KPNA4: variants seen among roughly 807,000 people sequenced by gnomAD.
The protein encoded by KPNA4 is karyopherin subunit alpha 4, also known as importin subunit alpha-3.
In KPNA4, 13 loss-of-function variants were observed where a neutral mutation model predicts 71.3. The observed-to-expected ratio is 0.18, with a 90% CI of 0.12 to 0.29. The LOEUF is 0.29. Ranked by LOEUF, KPNA4 falls within the 10% of genes least tolerant of loss-of-function variation. The pLI, the probability that KPNA4 is intolerant of heterozygous loss-of-function variation, is 1.00. For missense variants in KPNA4, 334 were observed against 603.2 expected, an observed-to-expected ratio of 0.55 and a Z score of 4.67; for synonymous variants, 189 against 195.2, an observed-to-expected ratio of 0.97 and a Z score of 0.26.
In KPNA4 at chr3:160,501,544, A is replaced by T. The variant is rs1439935206; in HGVS notation, c.*560T>A. 6.6e-6 allele frequency: 1 copy of T among 152,654 alleles called. No homozygotes were observed. The highest frequency in any genetic ancestry group is 1.5e-5 in the Non-Finnish European group (1 of 68,044). 9.5% of individuals were successfully genotyped at this position (152,654 alleles called of 1,614,324 possible). A position where few individuals can be genotyped will look rare whatever the true frequency, so the allele number is the denominator to read the frequency against. On this transcript the variant is annotated 3_prime_UTR_variant, in exon 17 of 17. Coordinates refer to ENST00000334256, the MANE Select transcript of KPNA4 (RefSeq NM_002268.5). ...CCACGCTCTCGTACACAGTCACTCC[A>T]GGACTAGGAGTCTGCTTCATGAGTG...
chr3:160,512,474 T>C (rs1721115471), intron 13 of KPNA4, among the ~76,000 whole-genome samples: 1 of 152,196 alleles, frequency 6.6e-6, no homozygotes, highest in Non-Finnish European at 1.5e-5. Flanking sequence ...GAACGAGTCA[T>C]TCTAAAAAAT....
chr3:160,496,835 TACACCCAGAGC>T lies in KPNA4; in HGVS notation c.*5258_*5268del, dbSNP rs946240541. On this transcript the variant is annotated 3_prime_UTR_variant, in exon 17 of 17. Coordinates refer to ENST00000334256, the MANE Select transcript of KPNA4 (RefSeq NM_002268.5). The stretch of plus-strand genomic sequence containing the variant: ...ACTTTTCCTCACAGTCAACTGCTCT[TACACCCAGAGC>T]AGTAGCTGTCAAGTCAATTTTATTG... 11 of 152,192 alleles carry T rather than the reference TACACCCAGAGC, an allele frequency of 7.2e-5. No homozygotes were observed. Among genetic ancestry groups the T allele is most frequent in the Admixed American group, 2.0e-4 (3 of 15,272 alleles). 9.4% of individuals were successfully genotyped at this position (152,192 alleles called of 1,614,324 possible). A position where few individuals can be genotyped will look rare whatever the true frequency, so the allele number is the denominator to read the frequency against.
rs1721352025 is a variant in KPNA4, at chr3:160,521,684, ATACTT to A, written c.903+90_903+94del. 22 of 1,094,258 alleles carry A rather than the reference ATACTT, an allele frequency of 2.0e-5. 1 individual carries two copies. The Middle Eastern group carries it at 3.4e-3, about 170-fold the overall frequency. The allele number at this position is 1,094,258 out of a possible 1,614,324, so 67.8% of individuals were successfully genotyped here. A position where few individuals can be genotyped will look rare whatever the true frequency, so the allele number is the denominator to read the frequency against. ...ACAGATTTGTTGTTATGCTAAGAAT[ATACTT>A]TAAACTACTGAAATTGTCCATCTTT... On this transcript the variant is annotated intron_variant, in intron 11 of 16. Transcript: ENST00000334256.
At chr3:160,515,620 T>A in intron 11 of KPNA4, 40 bp from the exon 12 acceptor site, 1 of 831,076 alleles carries the variant, frequency 1.2e-6, no homozygotes, top group Non-Finnish European at 1.6e-6. Context: ...GTGAAATCCT[T>A]TTTTTTTTTT....
In KPNA4 at chr3:160,514,063, C is replaced by A; in HGVS notation, c.1137+14G>T. On this transcript the variant is annotated intron_variant, in intron 13 of 16. Transcript: ENST00000334256. ...TACATCAGATAAATGATACATATAA[C>A]ATGATTTTCTTACCTTATCCAAAAG... 1 of 1,445,048 alleles carries A rather than the reference C, an allele frequency of 6.9e-7. No homozygotes were observed. Among genetic ancestry groups the A allele is most frequent in the East Asian group, 2.4e-5 (1 of 41,504 alleles). The allele number at this position is 1,445,048 out of a possible 1,614,324, so 89.5% of individuals were successfully genotyped here. A position where few individuals can be genotyped will look rare whatever the true frequency, so the allele number is the denominator to read the frequency against.
intron 14 of KPNA4, 88 bp downstream of exon 14, chr3:160,509,712 A>G: frequency 1.0e-6 from 1 of 996,222 alleles, no homozygotes; most frequent in South Asian, 1.3e-5. Context: ...TATTATTTTA[A>G]ATTATAACTT....
intron 1 of KPNA4, among the ~76,000 whole-genome samples, chr3:160,547,664 T>C (rs1721950820): frequency 6.6e-6 from 1 of 152,204 alleles, no homozygotes; most frequent in Non-Finnish European, 1.5e-5. Flanking sequence ...ATGCATCCAT[T>C]AGTATCAAAC....
chr3:160,564,357 G>C (rs931291246), intron 1 of KPNA4: 1 of 151,958 alleles, frequency 6.6e-6, no homozygotes, highest in Non-Finnish European at 1.5e-5. Flanking sequence ...ACCACCACCA[G>C]CAGGTGGAGG....
At chr3:160,520,423 T>TG (rs1292086338) in intron 11 of KPNA4, among the ~76,000 whole-genome samples, 1 of 151,554 alleles carries the variant, frequency 6.6e-6, no homozygotes, top group Non-Finnish European at 1.5e-5. Context: ...GGCTAATTTT[T>TG]TTTTTTTTTT....
chr3:160,509,589 T>C (rs1025866863), intron 14 of KPNA4, among the ~76,000 whole-genome samples: 2 of 152,130 alleles, frequency 1.3e-5, no homozygotes, highest in African/African-American at 4.8e-5. Flanking sequence ...GTACCTGTTA[T>C]CTTGCTCTTA....
chr3:160,537,819 T>G (rs1045476233), intron 1 of KPNA4, among the ~76,000 whole-genome samples: 4 of 151,890 alleles, frequency 2.6e-5, no homozygotes, highest in African/African-American at 9.7e-5. Context: ...GCAAATCCTG[T>G]TGGTTCAACC....
chr3:160,508,057 G>C (rs1348901962), intron 15 of KPNA4, 50 bp downstream of exon 15: 1 of 1,412,120 alleles, frequency 7.1e-7, no homozygotes, highest in Admixed American at 2.2e-5. Context: ...AATAAAGGTA[G>C]TTACAAAGAG....
At chr3:160,505,336 A>G (rs1462755093) in intron 15 of KPNA4, among the ~76,000 whole-genome samples, 1 of 152,186 alleles carries the variant, frequency 6.6e-6, no homozygotes, top group East Asian at 1.9e-4. Context: ...TACATAACCA[A>G]TGTTTATAAC....
chr3:160,513,252 T>TC (rs1175053477), intron 13 of KPNA4, among the ~76,000 whole-genome samples: 1 of 137,880 alleles, frequency 7.3e-6, no homozygotes, highest in African/African-American at 2.7e-5. Context: ...CTTTGTGGTT[T>TC]TTTTTTTTTT....
chr3:160,534,118 A>T (rs1235689558), intron 5 of KPNA4, among the ~76,000 whole-genome samples: 1 of 152,228 alleles, frequency 6.6e-6, no homozygotes, highest in African/African-American at 2.4e-5. Context: ...AGGTGAATAA[A>T]CAAATACTGG....
rs1471770772 is a variant in KPNA4, at chr3:160,497,866, A to G, written c.*4238T>C. The G allele has an allele frequency of 6.6e-6, 1 of 152,210 alleles. No homozygotes were observed. The highest frequency in any genetic ancestry group is 6.5e-5 in the Admixed American group (1 of 15,278). The allele number at this position is 152,210 out of a possible 1,614,324, so 9.4% of individuals were successfully genotyped here. A position where few individuals can be genotyped will look rare whatever the true frequency, so the allele number is the denominator to read the frequency against. On this transcript the variant is annotated 3_prime_UTR_variant, in exon 17 of 17. Coordinates refer to ENST00000334256, the MANE Select transcript of KPNA4 (RefSeq NM_002268.5). ...TTTATAGTTCACTTTAATAGCTACA[A>G]TGGAAGATTCAATTTTGGAAACTCA... is the stretch of plus-strand genomic sequence containing the variant.
At chr3:160,536,158 AAAAC>A (rs988965004) in intron 2 of KPNA4, among the ~76,000 whole-genome samples, 1 of 152,078 alleles carries the variant, frequency 6.6e-6, no homozygotes, top group Non-Finnish European at 1.5e-5. Flanking sequence ...AAACAAAACA[AAAAC>A]AAAAGTTTGA....
chr3:160,526,178 A>C, intron 8 of KPNA4, 71 bp from the exon 9 acceptor site: 1 of 1,107,720 alleles, frequency 9.0e-7, no homozygotes, highest in East Asian at 2.6e-5. Flanking sequence ...AACACAAAGC[A>C]CTGGGAATAT....
intron 13 of KPNA4, among the ~76,000 whole-genome samples, 156 bp from the exon 14 acceptor site, chr3:160,510,027 T>C (rs976976817): frequency 4.6e-5 from 7 of 152,230 alleles, no homozygotes; most frequent in Non-Finnish European, 1.0e-4. Flanking sequence ...GTCTTTGAAC[T>C]ATTCCCAATC....
Sources: allele counts gnomAD v4.1 joint callset (sites outside exome capture counted in the v4.1 genomes callset), GRCh38; gene constraint gnomAD v4.1.1; transcripts MANE v1.5; gene names NCBI Gene and HGNC (gene_info 2026-07-23, HGNC 2026-07-21).